PTPRA: variants seen among roughly 807,000 people sequenced by gnomAD.
PTPRA encodes the protein receptor-type tyrosine-protein phosphatase alpha.
PTPRA carries 25 observed loss-of-function variants against 104.8 expected under a neutral mutation model. The ratio of observed to expected loss-of-function variants is 0.24; its 90% CI spans 0.17 to 0.33. The LOEUF (loss-of-function observed/expected upper bound fraction) is 0.33, where lower values mean the gene tolerates loss of function less well. PTPRA is among the 10% of genes least tolerant of loss of function. The pLI, the probability that PTPRA is intolerant of heterozygous loss-of-function variation, is 1.00. For synonymous variants in PTPRA, 323 were observed against 368.9 expected (o/e 0.88, Z 1.43); for missense variants, 765 against 1,015.3 (o/e 0.75, Z 3.35).
At chr20:2,927,961 G>A (rs1351907483) in intron 2 of PTPRA, among the ~76,000 whole-genome samples, 1 of 152,086 alleles carries the variant, frequency 6.6e-6, no homozygotes, top group Non-Finnish European at 1.5e-5. Flanking sequence ...AGTGAGCCAA[G>A]ATCATACCAT....
At chr20:2,928,564 G>A (rs1393243294) in intron 2 of PTPRA, among the ~76,000 whole-genome samples, 1 of 152,066 alleles carries the variant, frequency 6.6e-6, no homozygotes, top group Non-Finnish European at 1.5e-5. Context: ...TTTCATATAG[G>A]AAATTAATTT....
At chr20:2,966,140 G>A (rs539062209) in intron 5 of PTPRA, among the ~76,000 whole-genome samples, 3 of 152,184 alleles carry the variant, frequency 2.0e-5, no homozygotes, top group Admixed American at 1.3e-4. Context: ...CTTTTACTGC[G>A]CCTTATAACT....
chr20:2,962,353 A>G (rs1048174769), intron 3 of PTPRA, among the ~76,000 whole-genome samples: 1 of 152,078 alleles, frequency 6.6e-6, no homozygotes, highest in African/African-American at 2.4e-5. Context: ...CTGAGCTCAC[A>G]TATTCATTTA....
intron 2 of PTPRA, among the ~76,000 whole-genome samples, chr20:2,927,802 G>T (rs2060358447): frequency 1.3e-5 from 2 of 152,246 alleles, no homozygotes. Context: ...TTGAGGCCAG[G>T]AGTTCAAGAC....
At chr20:2,939,449 G>T (rs1352319167) in intron 2 of PTPRA, among the ~76,000 whole-genome samples, 1 of 152,168 alleles carries the variant, frequency 6.6e-6, no homozygotes, top group South Asian at 2.1e-4. Flanking sequence ...GCAGAATGCT[G>T]TTCACAATTT....
chr20:3,030,890 T>C (rs2065419269), intron 20 of PTPRA, among the ~76,000 whole-genome samples: 1 of 151,924 alleles, frequency 6.6e-6, no homozygotes, highest in Non-Finnish European at 1.5e-5. Context: ...ATGTTGGCCA[T>C]GCTGGTCTCA....
chr20:2,933,687 C>T (rs2060589136), intron 2 of PTPRA, among the ~76,000 whole-genome samples: 1 of 152,024 alleles, frequency 6.6e-6, no homozygotes, highest in Non-Finnish European at 1.5e-5. Context: ...TCTCAAAACT[C>T]CTGACCTCAA....
At chr20:3,020,210 A>T (rs1178053) in intron 13 of PTPRA, among the ~76,000 whole-genome samples, 1 of 151,764 alleles carries the variant, frequency 6.6e-6, no homozygotes, top group East Asian at 1.9e-4. Flanking sequence ...CCGGGTTCAC[A>T]CCATTCTTCT....
chr20:2,915,149 G>T (rs1455541712), intron 1 of PTPRA, among the ~76,000 whole-genome samples: 1 of 151,716 alleles, frequency 6.6e-6, no homozygotes, highest in Non-Finnish European at 1.5e-5. Context: ...TATTCACATA[G>T]GCCATCATAG....
chr20:2,940,074 C>G (rs529049066), intron 2 of PTPRA, among the ~76,000 whole-genome samples: 2 of 152,192 alleles, frequency 1.3e-5, no homozygotes, highest in African/African-American at 4.8e-5. Flanking sequence ...CGCGCCACTG[C>G]GCTCCAGCCT....
intron 2 of PTPRA, among the ~76,000 whole-genome samples, chr20:2,939,941 T>C (rs2060845297): frequency 6.6e-6 from 1 of 152,166 alleles, no homozygotes; most frequent in African/African-American, 2.4e-5. Flanking sequence ...ACCCCGTCTC[T>C]ACTAAAAATA....
At chr20:2,886,794 T>C (rs2090412788) in intron 1 of PTPRA, among the ~76,000 whole-genome samples, 1 of 149,560 alleles carries the variant, frequency 6.7e-6, no homozygotes, top group Non-Finnish European at 1.5e-5. Context: ...AGGTGGAGGT[T>C]GCCCTGAGCC....
intron 9 of PTPRA, among the ~76,000 whole-genome samples, chr20:2,994,269 G>A (rs2063310555): frequency 6.6e-6 from 1 of 152,138 alleles, no homozygotes; most frequent in Non-Finnish European, 1.5e-5. Context: ...TGTTATTGAA[G>A]GGTTCTGGGT....
chr20:2,894,947 A>G (rs1230611966), intron 1 of PTPRA, among the ~76,000 whole-genome samples: 4 of 150,078 alleles, frequency 2.7e-5, no homozygotes, highest in Non-Finnish European at 4.4e-5. Flanking sequence ...AGATCACGTC[A>G]CTGCACTCCA....
chr20:2,994,431 A>G (rs543798084), intron 9 of PTPRA, among the ~76,000 whole-genome samples: 5 of 152,272 alleles, frequency 3.3e-5, no homozygotes, highest in South Asian at 2.1e-4. Context: ...ACGTCTGATC[A>G]TGGTCTCCAA....
intron 3 of PTPRA, chr20:2,955,804 G>C (rs2061515628): frequency 2.1e-6 from 1 of 476,124 alleles, no homozygotes; most frequent in South Asian, 8.9e-5. Context: ...CACTCATAGA[G>C]CTGTCTTCTT....
intron 17 of PTPRA, 126 bp from the exon 18 acceptor site, chr20:3,026,561 A>C: frequency 1.8e-5 from 12 of 676,998 alleles, no homozygotes; most frequent in Non-Finnish European, 2.7e-5. Context: ...AACAGAGGTC[A>C]GGGCCCTGGT....
At chr20:2,904,673 A>AT in intron 1 of PTPRA, among the ~76,000 whole-genome samples, 2 of 151,862 alleles carry the variant, frequency 1.3e-5, no homozygotes, top group Non-Finnish European at 2.9e-5. Context: ...TCTCAAAAAA[A>AT]AAAAAAAAAA....
At chr20:2,901,754 C>T (rs999277962) in intron 1 of PTPRA, among the ~76,000 whole-genome samples, 1 of 152,018 alleles carries the variant, frequency 6.6e-6, no homozygotes, top group Non-Finnish European at 1.5e-5. Flanking sequence ...CTAGAGCATA[C>T]AGGATGTATG....
Sources: allele counts gnomAD v4.1 joint callset (sites outside exome capture counted in the v4.1 genomes callset), GRCh38; gene constraint gnomAD v4.1.1; transcripts MANE v1.5; gene names NCBI Gene and HGNC (gene_info 2026-07-23, HGNC 2026-07-21).